The following HDAC9 variants were observed in gnomAD, a reference collection of about 807,000 sequenced individuals.
The protein encoded by HDAC9 is MEF-2 interacting transcription repressor (MITR) protein.
In HDAC9, 41 loss-of-function variants were observed where a neutral mutation model predicts 139.4. The ratio of observed to expected loss-of-function variants is 0.29; its 90% confidence interval spans 0.23 to 0.38. The LOEUF is 0.38. Ranked by LOEUF, HDAC9 falls within the 10% of genes least tolerant of loss-of-function variation. The pLI, the probability that HDAC9 is intolerant of heterozygous loss-of-function variation, is 1.00. For synonymous variants in HDAC9, 517 were observed against 476.2 expected, an observed-to-expected ratio of 1.09 and a Z score of -1.12; for missense variants, 1,147 against 1,297.0, an observed-to-expected ratio of 0.88 and a Z score of 1.78.
chr7:18,641,117 T>C (rs1785468324), intron 8 of HDAC9, among the ~76,000 whole-genome samples: 1 of 152,094 alleles, frequency 6.6e-6, no homozygotes, highest in South Asian at 2.1e-4. Context: ...ACATTCTCAC[T>C]CTTTTAATTG....
intron 23 of HDAC9, among the ~76,000 whole-genome samples, chr7:18,936,598 C>T (rs1330129444): frequency 6.6e-6 from 1 of 152,188 alleles, no homozygotes; most frequent in African/African-American, 2.4e-5. Flanking sequence ...ACATTTTCAA[C>T]CAATTAGTTG....
chr7:18,981,155 C>T (rs1330868540), intron 25 of HDAC9, among the ~76,000 whole-genome samples: 2 of 152,036 alleles, frequency 1.3e-5, no homozygotes, highest in African/African-American at 2.4e-5. Context: ...GGCCATCATT[C>T]AGTAATCTAT....
chr7:18,701,397 TA>T (rs533989795), intron 12 of HDAC9, among the ~76,000 whole-genome samples: 82 of 103,170 alleles, frequency 7.9e-4, no homozygotes, highest in Middle Eastern at 5.2e-3. Flanking sequence ...GCGTCTGATT[TA>T]AAAAAAAACA....
chr7:18,667,938 C>A, intron 12 of HDAC9: 2 of 980,408 alleles, frequency 2.0e-6, no homozygotes, highest in Non-Finnish European at 2.4e-6. Flanking sequence ...TCCAAATTGA[C>A]CTAGAATCTT....
chr7:18,347,431 T>C (rs1417604221), intron 1 of HDAC9, among the ~76,000 whole-genome samples: 1 of 152,192 alleles, frequency 6.6e-6, no homozygotes, highest in Non-Finnish European at 1.5e-5. Flanking sequence ...GTTTTAATAC[T>C]AGAACATCCT....
intron 8 of HDAC9, among the ~76,000 whole-genome samples, chr7:18,639,760 G>T (rs1187714115): frequency 1.3e-5 from 2 of 151,960 alleles, no homozygotes; most frequent in Non-Finnish European, 2.9e-5. Context: ...ACCTTGTAAA[G>T]CCAAAGCTGA....
chr7:18,934,870 C>T (rs536397492), intron 22 of HDAC9, among the ~76,000 whole-genome samples: 20 of 152,036 alleles, frequency 1.3e-4, no homozygotes, highest in African/African-American at 4.6e-4. Flanking sequence ...TTATTTGTAA[C>T]GACAAAAAAA....
intron 1 of HDAC9, among the ~76,000 whole-genome samples, chr7:18,459,854 C>T (rs1396217641): frequency 1.3e-5 from 2 of 151,718 alleles, no homozygotes; most frequent in Non-Finnish European, 2.9e-5. Flanking sequence ...AAATATCAAG[C>T]TTTTCTTATA....
chr7:18,532,980 GCA>G (rs1211728636), intron 2 of HDAC9, among the ~76,000 whole-genome samples: 2 of 151,966 alleles, frequency 1.3e-5, no homozygotes, highest in South Asian at 2.1e-4. Flanking sequence ...TTGTGTGTGT[GCA>G]CACACACAAA....
In HDAC9 at chr7:18,842,692, C is replaced by T. The variant is rs149795286; in HGVS notation, c.2684+6695C>T. On this transcript the variant is annotated intron_variant, in intron 21 of 25. Coordinates refer to ENST00000686413, the MANE Select transcript of HDAC9 (RefSeq NM_178425.4). ...AATATAGTTTAAGGACATTTTTTCTCTCATCTGTTCAACATATTGTACCAA... is the reference window on the plus strand; with the variant it reads ...AATATAGTTTAAGGACATTTTTTCTTTCATCTGTTCAACATATTGTACCAA... Among the ~76,000 whole-genome samples the T allele has an allele frequency of 2.9e-3, 447 of 152,120 alleles. 2 individuals carry two copies. Among genetic ancestry groups the T allele is most frequent in the African/African-American group, 0.01 (432 of 41,508 alleles).
intron 1 of HDAC9, among the ~76,000 whole-genome samples, chr7:18,135,143 G>T (rs368267932): frequency 2.0e-5 from 3 of 151,876 alleles, no homozygotes; most frequent in East Asian, 3.9e-4. Context: ...TTTTCAAGTG[G>T]ATACTGTTCA....
At chr7:18,815,935 A>G (rs1319762891) in intron 17 of HDAC9, among the ~76,000 whole-genome samples, 1 of 152,226 alleles carries the variant, frequency 6.6e-6, no homozygotes, top group Non-Finnish European at 1.5e-5. Context: ...CTGCAGATTA[A>G]TAGCATTGAT....
chr7:18,413,190 T>G (rs1327202162), intron 1 of HDAC9, among the ~76,000 whole-genome samples: 3 of 152,178 alleles, frequency 2.0e-5, no homozygotes, highest in African/African-American at 7.2e-5. Flanking sequence ...GATATTTTTG[T>G]TATGAATTGG....
chr7:18,541,287 T>C (rs1563204806), intron 2 of HDAC9, among the ~76,000 whole-genome samples: 2 of 152,056 alleles, frequency 1.3e-5, no homozygotes, highest in Admixed American at 6.6e-5. Flanking sequence ...CCTTTTGCTT[T>C]GCAGCCTGCC....
intron 24 of HDAC9, among the ~76,000 whole-genome samples, chr7:18,970,849 G>C (rs928225822): frequency 6.6e-6 from 1 of 152,084 alleles, no homozygotes; most frequent in East Asian, 1.9e-4. Context: ...CAGCTCTAAG[G>C]CTCCAAAATG....
At chr7:18,384,268 G>C in intron 1 of HDAC9, among the ~76,000 whole-genome samples, 1 of 151,922 alleles carries the variant, frequency 6.6e-6, no homozygotes, top group South Asian at 2.1e-4. Context: ...TCACTGTGCC[G>C]CTGCACTTCA....
intron 2 of HDAC9, among the ~76,000 whole-genome samples, chr7:18,510,419 G>A (rs1262630431): frequency 1.3e-5 from 2 of 151,964 alleles, no homozygotes; most frequent in Admixed American, 6.6e-5. Flanking sequence ...ATGATTACAG[G>A]TGTACTTTTA....
At chr7:18,863,791 AGAAGGTCTTACT>A (rs1383737921) in intron 21 of HDAC9, among the ~76,000 whole-genome samples, 5 of 152,178 alleles carry the variant, frequency 3.3e-5, no homozygotes, top group African/African-American at 1.2e-4. Context: ...GGTTGTCAGG[AGAAGGTCTTACT>A]GAAAAGATAA....
intron 19 of HDAC9, among the ~76,000 whole-genome samples, chr7:18,832,701 T>TG (rs1480200977): frequency 2.0e-5 from 3 of 151,764 alleles, no homozygotes; most frequent in Non-Finnish European, 4.4e-5. Context: ...ATGAATATTT[T>TG]ACAGCAAGGA....
Sources: allele counts gnomAD v4.1 joint callset (sites outside exome capture counted in the v4.1 genomes callset), GRCh38; gene constraint gnomAD v4.1.1; transcripts MANE v1.5; gene names NCBI Gene and HGNC (gene_info 2026-07-23, HGNC 2026-07-21).